Variants in PEX7 observed in about 807,000 individuals in gnomAD.
The protein encoded by PEX7 is peroxisomal biogenesis factor 7.
PEX7 carries 34 observed loss-of-function variants against 47.5 expected under a neutral mutation model. The ratio of observed to expected loss-of-function variants is 0.72; its 90% CI spans 0.54 to 0.95. PEX7 has a LOEUF of 0.95. Ranked by LOEUF, PEX7 falls within the 40% of genes least tolerant of loss-of-function variation. The pLI is 0.00. For missense variants in PEX7, 394 were observed against 400.3 expected (o/e 0.98, Z 0.13); for synonymous variants, 141 against 148.8 (o/e 0.95, Z 0.38).
intron 5 of PEX7, among the ~76,000 whole-genome samples, chr6:136,855,085 CAA>C (rs747644035): frequency 1.0e-4 from 13 of 125,446 alleles, no homozygotes; most frequent in African/African-American, 2.4e-4. Context: ...AAGACTGTCT[CAA>C]AAAAAAAAAA....
intron 6 of PEX7, 76 bp downstream of exon 6, chr6:136,866,809 T>G (rs1775080783): frequency 7.8e-7 from 1 of 1,290,276 alleles, no homozygotes; most frequent in Non-Finnish European, 1.1e-6. Flanking sequence ...TGTCTTTGTT[T>G]ATGTGGACTT....
chr6:136,866,773 A>C (rs1314628757), intron 6 of PEX7, 40 bp downstream of exon 6: 2 of 1,497,568 alleles, frequency 1.3e-6, no homozygotes, highest in Middle Eastern at 1.7e-4. Flanking sequence ...TGTCCTTCCT[A>C]ATGTTAAAAT....
intron 3 of PEX7, among the ~76,000 whole-genome samples, chr6:136,842,445 A>G (rs1270164062): frequency 6.6e-6 from 1 of 152,178 alleles, no homozygotes; most frequent in East Asian, 1.9e-4. Flanking sequence ...CTTACCTTCT[A>G]TCTTTGATGT....
chr6:136,883,584 C>A (rs1455072155), intron 8 of PEX7, among the ~76,000 whole-genome samples: 1 of 152,162 alleles, frequency 6.6e-6, no homozygotes, highest in Non-Finnish European at 1.5e-5. Context: ...CTTCTCTTCC[C>A]CTTAAACTTG....
intron 8 of PEX7, among the ~76,000 whole-genome samples, chr6:136,876,938 A>G (rs1775285084): frequency 6.6e-6 from 1 of 152,206 alleles, no homozygotes; most frequent in Admixed American, 6.5e-5. Context: ...TGGTTGAACT[A>G]ATTTACACTC....
Position 136,857,863 on chromosome 6 carries a change from C to A in PEX7, c.527-8764C>A, listed in dbSNP as rs144888124. 3.3e-3 allele frequency among the ~76,000 whole-genome samples: 507 copies of A among 152,252 alleles called. 2 individuals carry two copies. The highest frequency in any genetic ancestry group is 0.011 in the African/African-American group (463 of 41,562). ...TTTGAGACAGGGTCTGGCTCTGTTG[C>A]CCGGCTGGAATGCAGTGGTGCCATC... On this transcript the variant is annotated intron_variant, in intron 5 of 9. Coordinates refer to ENST00000318471, the MANE Select transcript of PEX7 (RefSeq NM_000288.4).
At position 136,882,030 on chromosome 6, in the gene PEX7, G is replaced by A. The variant is rs377225194; in HGVS notation, c.803+9777G>A. ...AATCAATGATCGTGTATAACTTAGA[G>A]TCCAGGTTTCTTTTATTAATGTGTA... is the stretch of plus-strand genomic sequence containing the variant. On this transcript the variant is annotated intron_variant, in intron 8 of 9. Transcript: ENST00000318471. Among the ~76,000 whole-genome samples, 127 of 152,264 alleles carry A rather than the reference G, an allele frequency of 8.3e-4. 4 individuals carry two copies. The South Asian group carries it at 0.025, about 30-fold the overall frequency.
At chr6:136,877,830 A>G (rs1258489959) in intron 8 of PEX7, among the ~76,000 whole-genome samples, 1 of 152,080 alleles carries the variant, frequency 6.6e-6, no homozygotes, top group Non-Finnish European at 1.5e-5. Context: ...TTTTTTTCTA[A>G]TTCTGTTAAG....
At chr6:136,837,752 C>G (rs931026199) in intron 3 of PEX7, among the ~76,000 whole-genome samples, 1 of 152,076 alleles carries the variant, frequency 6.6e-6, no homozygotes, top group South Asian at 2.1e-4. Flanking sequence ...AAGGGACTCT[C>G]ACTGGCCGAA....
At chr6:136,835,553 C>T (rs1774370654) in intron 3 of PEX7, among the ~76,000 whole-genome samples, 2 of 152,100 alleles carry the variant, frequency 1.3e-5, no homozygotes, top group African/African-American at 4.8e-5. Flanking sequence ...TCCCAAAGTG[C>T]TAGGATTACA....
intron 8 of PEX7, among the ~76,000 whole-genome samples, chr6:136,880,695 A>G (rs1282760067): frequency 6.6e-6 from 1 of 152,218 alleles, no homozygotes; most frequent in Non-Finnish European, 1.5e-5. Flanking sequence ...ACATGGCCTC[A>G]TTGCCTAGAC....
chr6:136,866,393 C>T (rs557343105), intron 5 of PEX7, among the ~76,000 whole-genome samples: 31 of 152,212 alleles, frequency 2.0e-4, no homozygotes, highest in East Asian at 3.9e-4. Context: ...TTTATCTCAG[C>T]GTGAGATTCA....
chr6:136,880,042 T>G (rs189485681), intron 8 of PEX7, among the ~76,000 whole-genome samples: 3 of 152,116 alleles, frequency 2.0e-5, no homozygotes, highest in Admixed American at 1.3e-4. Context: ...GTTTTGTTGG[T>G]TTTTTTTCTT....
chr6:136,883,058 A>G (rs1381235517), intron 8 of PEX7, among the ~76,000 whole-genome samples: 2 of 152,194 alleles, frequency 1.3e-5, no homozygotes, highest in Non-Finnish European at 1.5e-5. Context: ...GGATTGAGTA[A>G]GTCACTTATG....
At chr6:136,870,093 G>A (rs907706466) in intron 7 of PEX7, 90 bp downstream of exon 7, 7 of 820,996 alleles carry the variant, frequency 8.5e-6, no homozygotes, top group Non-Finnish European at 1.3e-5. Context: ...TGGGTTTAGG[G>A]ATTGGAGTTA....
chr6:136,903,622 G>T (rs182959577), intron 9 of PEX7, among the ~76,000 whole-genome samples: 165 of 151,332 alleles, frequency 1.1e-3, no homozygotes, highest in African/African-American at 3.2e-3. Flanking sequence ...GATTAGATTT[G>T]GTTCTGATTT....
At position 136,900,743 on chromosome 6, in the gene PEX7, C is replaced by T. The variant is rs568913354; in HGVS notation, c.903+2502C>T. ...TTCTTCTTCTCCACCAAGGTGGTGA[C>T]GGTGTTAACCCCAGCTTGAAGGACA... On this transcript the variant is annotated intron_variant, in intron 9 of 9. Coordinates refer to ENST00000318471, the MANE Select transcript of PEX7 (RefSeq NM_000288.4). The surrounding 1 kb of genome is among the most constrained non-coding windows in gnomAD (Gnocchi z 4.2). 3 of 348,782 alleles carry T rather than the reference C, an allele frequency of 8.6e-6. No homozygotes were observed. The highest frequency in any genetic ancestry group is 2.4e-5 in the South Asian group (1 of 42,546). The allele number at this position is 348,782 out of a possible 1,614,324, so 21.6% of individuals were successfully genotyped here.
intron 5 of PEX7, among the ~76,000 whole-genome samples, chr6:136,853,240 C>T (rs1273350160): frequency 1.3e-5 from 2 of 152,144 alleles, no homozygotes; most frequent in African/African-American, 4.8e-5. Context: ...CTGAAAGGTC[C>T]TCAAAGCCAA....
At chr6:136,823,150 C>G (rs1213528069) in intron 1 of PEX7, 46 of 985,394 alleles carry the variant, frequency 4.7e-5, no homozygotes, top group Non-Finnish European at 5.4e-5. Context: ...GATCGGTCCG[C>G]TCGGCACAGC....
Sources: allele counts gnomAD v4.1 joint callset (sites outside exome capture counted in the v4.1 genomes callset), GRCh38; gene constraint gnomAD v4.1.1; non-coding constraint Gnocchi (gnomAD v3.1); transcripts MANE v1.5; gene names NCBI Gene and HGNC (gene_info 2026-07-23, HGNC 2026-07-21).